ADA: variants seen among roughly 807,000 people sequenced by gnomAD.
ADA encodes the protein adenosine deaminase.
In ADA, 45 loss-of-function variants were observed where a neutral mutation model predicts 49.0. The ratio of observed to expected loss-of-function variants is 0.92; its 90% CI spans 0.72 to 1.18. ADA has a LOEUF of 1.18. ADA is among the 50% of genes most tolerant of loss of function. The pLI is 0.00. For missense variants in ADA, 445 were observed against 472.5 expected (o/e 0.94, Z 0.54); for synonymous variants, 173 against 184.2 (o/e 0.94, Z 0.49).
chr20:44,627,071 A>G (rs76162716), intron 3 of ADA, among the ~76,000 whole-genome samples: 2,994 of 151,792 alleles, frequency 0.02, 101 homozygotes, highest in African/African-American at 0.069. Flanking sequence ...ACCGGAGAAG[A>G]CACAGGCCTG....
At chr20:44,640,869 C>G (rs551587391) in intron 1 of ADA, among the ~76,000 whole-genome samples, 105 of 151,940 alleles carry the variant, frequency 6.9e-4, no homozygotes, top group Non-Finnish European at 1.1e-3. Context: ...ATGATGCAGC[C>G]ACAAGCCAAG....
chr20:44,645,417 A>G (rs111284175), intron 1 of ADA, among the ~76,000 whole-genome samples: 3,633 of 151,650 alleles, frequency 0.024, 140 homozygotes, highest in African/African-American at 0.077. Context: ...TACTTCAAGG[A>G]CAGCCATTGT....
At chr20:44,642,914 G>T (rs6031688) in intron 1 of ADA, among the ~76,000 whole-genome samples, 1 of 152,022 alleles carries the variant, frequency 6.6e-6, no homozygotes, top group South Asian at 2.1e-4. Flanking sequence ...TGGGAAGGGG[G>T]AAAGCAGAGC....
intron 1 of ADA, among the ~76,000 whole-genome samples, chr20:44,645,499 G>T (rs1368091826): frequency 6.6e-6 from 1 of 151,970 alleles, no homozygotes; most frequent in Non-Finnish European, 1.5e-5. Flanking sequence ...GCGCACACCT[G>T]TAATCCCAAC....
At chr20:44,623,985 A>C (rs1174985909) in intron 6 of ADA, 13 of 598,002 alleles carry the variant, frequency 2.2e-5, no homozygotes, top group South Asian at 2.0e-4. Context: ...AGGCTCAAGC[A>C]ATCCTCCTGC....
At position 44,625,688 on chromosome 20, in the gene ADA, T is replaced by C; in HGVS notation, c.363-4A>G. ...CTCGTCTGGGGTGAGGTCCCCTCTG[T>C]GTGAGGAGAGGAGTAGGGATGGGCC... On this transcript the variant is annotated splice_region_variant and splice_polypyrimidine_tract_variant and intron_variant, in intron 4 of 11. Transcript: ENST00000372874. The C allele has an allele frequency of 6.4e-7, 1 of 1,556,120 alleles. No individual in the cohort carries two copies. Among genetic ancestry groups the C allele is most frequent in the Admixed American group, 1.9e-5 (1 of 51,750 alleles).
intron 1 of ADA, among the ~76,000 whole-genome samples, chr20:44,637,740 G>A (rs986193049): frequency 1.3e-5 from 2 of 152,136 alleles, no homozygotes; most frequent in Non-Finnish European, 2.9e-5. Context: ...GACACCAGAG[G>A]TCCTATCAGC....
chr20:44,624,140 A>T, intron 6 of ADA, 62 bp downstream of exon 6: 6 of 1,552,502 alleles, frequency 3.9e-6, no homozygotes, highest in Non-Finnish European at 5.2e-6. Flanking sequence ...ATTTCTCCCA[A>T]CTATGGGTGG....
chr20:44,632,625 G>A (rs1037296826), intron 2 of ADA, among the ~76,000 whole-genome samples: 2 of 152,168 alleles, frequency 1.3e-5, no homozygotes, highest in Non-Finnish European at 2.9e-5. Context: ...TAGGGCCCTG[G>A]CACCTCTTGC....
At chr20:44,632,724 C>T (rs576053284) in intron 2 of ADA, among the ~76,000 whole-genome samples, 1 of 152,338 alleles carries the variant, frequency 6.6e-6, no homozygotes, top group Admixed American at 6.5e-5. Context: ...CGGAGTCTTG[C>T]TCTTGTTGCC....
intron 2 of ADA, among the ~76,000 whole-genome samples, chr20:44,630,346 A>AAAAAAAAAAAG (rs1210633910): frequency 5.4e-5 from 8 of 146,970 alleles, no homozygotes; most frequent in African/African-American, 2.0e-4. Flanking sequence ...TCTGTATCAC[A>AAAAAAAAAAAG]AAAAAAAAAA....
At chr20:44,622,304 T>C (rs993423221) in intron 9 of ADA, among the ~76,000 whole-genome samples, 1 of 152,154 alleles carries the variant, frequency 6.6e-6, no homozygotes, top group African/African-American at 2.4e-5. Context: ...GAATTGGAAG[T>C]GTGGAAGCTT....
intron 5 of ADA, 118 bp from the exon 6 acceptor site, chr20:44,624,447 G>T: frequency 7.2e-7 from 1 of 1,397,538 alleles, no homozygotes; most frequent in Non-Finnish European, 1.0e-6. Context: ...ACAGGGCTCA[G>T]TGTCTTCAAA....
At chr20:44,643,496 A>T (rs957938597) in intron 1 of ADA, among the ~76,000 whole-genome samples, 3 of 152,232 alleles carry the variant, frequency 2.0e-5, no homozygotes, top group Non-Finnish European at 4.4e-5. Context: ...GGCAATGTAC[A>T]TATCGGCCCA....
chr20:44,629,423 T>G (rs944498628), intron 2 of ADA, among the ~76,000 whole-genome samples: 3 of 152,064 alleles, frequency 2.0e-5, no homozygotes, highest in Non-Finnish European at 2.9e-5. Context: ...TTGAAGTGTG[T>G]GTGTGTGTGT....
At chr20:44,634,619 T>G (rs2065463036) in intron 2 of ADA, among the ~76,000 whole-genome samples, 1 of 152,262 alleles carries the variant, frequency 6.6e-6, no homozygotes, top group Non-Finnish European at 1.5e-5. Flanking sequence ...AAGGAGTGTT[T>G]GGCACACAGG....
At chr20:44,642,147 A>G (rs913362336) in intron 1 of ADA, among the ~76,000 whole-genome samples, 5 of 152,206 alleles carry the variant, frequency 3.3e-5, no homozygotes, top group Non-Finnish European at 4.4e-5. Context: ...GGCAATGTTC[A>G]GAGTGGAATC....
At chr20:44,621,425 G>A (rs545498303) in intron 9 of ADA, among the ~76,000 whole-genome samples, 2 of 152,238 alleles carry the variant, frequency 1.3e-5, no homozygotes, top group South Asian at 2.1e-4. Context: ...GCAGCCGGTG[G>A]GGGCGTGGGG....
chr20:44,638,249 G>A (rs73909568), intron 1 of ADA, among the ~76,000 whole-genome samples: 8,634 of 152,250 alleles, frequency 0.057, 806 homozygotes, highest in African/African-American at 0.2. Flanking sequence ...GGGAGTTCTT[G>A]GCACATAGCA....
Sources: allele counts gnomAD v4.1 joint callset (sites outside exome capture counted in the v4.1 genomes callset), GRCh38; gene constraint gnomAD v4.1.1; transcripts MANE v1.5; gene names NCBI Gene and HGNC (gene_info 2026-07-23, HGNC 2026-07-21).